The following EPHA6 variants were observed in gnomAD, a reference collection of about 807,000 sequenced individuals.
EPHA6 encodes ephrin type-A receptor 6.
EPHA6 carries 50 observed loss-of-function variants against 112.0 expected under a neutral mutation model. The observed-to-expected ratio is 0.45, with a 90% confidence interval of 0.36 to 0.56. The LOEUF is 0.56. Ranked by LOEUF, EPHA6 falls within the 20% of genes least tolerant of loss-of-function variation. EPHA6 has a pLI of 0.00. For missense variants in EPHA6, 1,280 were observed against 1,417.4 expected, an observed-to-expected ratio of 0.90 and a Z score of 1.56; for synonymous variants, 529 against 490.7, an observed-to-expected ratio of 1.08 and a Z score of -1.03.
At chr3:97,189,290 A>G (rs1389966007) in intron 3 of EPHA6, among the ~76,000 whole-genome samples, 2 of 152,062 alleles carry the variant, frequency 1.3e-5, no homozygotes, top group East Asian at 3.9e-4. Context: ...TGTTCTTTAA[A>G]TACTTATTTT....
intron 3 of EPHA6, among the ~76,000 whole-genome samples, chr3:97,100,799 C>T (rs755227296): frequency 5.3e-5 from 8 of 151,866 alleles, no homozygotes; most frequent in Admixed American, 6.6e-5. Context: ...GCTAAAATGT[C>T]TGTATATTTT....
At chr3:97,562,971 T>A (rs2093211858) in intron 11 of EPHA6, among the ~76,000 whole-genome samples, 1 of 152,172 alleles carries the variant, frequency 6.6e-6, no homozygotes. Context: ...ATGTATTTTG[T>A]ATTTTTAGGC....
intron 2 of EPHA6, among the ~76,000 whole-genome samples, chr3:96,938,781 C>T (rs1280711181): frequency 6.6e-6 from 1 of 151,900 alleles, no homozygotes; most frequent in Non-Finnish European, 1.5e-5. Context: ...GAGATACGTC[C>T]CATCAATACC....
At chr3:97,188,211 A>G (rs1304056312) in intron 3 of EPHA6, among the ~76,000 whole-genome samples, 1 of 152,166 alleles carries the variant, frequency 6.6e-6, no homozygotes, top group Non-Finnish European at 1.5e-5. Flanking sequence ...TTCAGCAGCT[A>G]AATGGATCAG....
Position 97,592,718 on chromosome 3 carries a change from G to GC in EPHA6, c.2499dup (p.Arg834GlnfsTer28). 1.3e-6 allele frequency: 2 copies of GC among 1,599,914 alleles called. No homozygotes were observed. The highest frequency in any genetic ancestry group is 8.5e-7 in the Non-Finnish European group (1 of 1,175,492). On this transcript the variant is annotated frameshift_variant, in exon 12 of 18. Transcript: ENST00000389672. LOFTEE classifies it high-confidence loss of function. ...ATCCAGTGCCAGGGGGAGGATCTTT[G>GC]CCCCCCAGGATTCCTGCTGGTAGGT...
chr3:97,614,540 G>C (rs2093749296), intron 13 of EPHA6, among the ~76,000 whole-genome samples: 1 of 139,914 alleles, frequency 7.1e-6, no homozygotes, highest in Non-Finnish European at 1.5e-5. Flanking sequence ...TTTTAGAAGA[G>C]ACGGGGTTTC....
chr3:97,500,365 T>C (rs2092087170), intron 10 of EPHA6, among the ~76,000 whole-genome samples: 1 of 152,134 alleles, frequency 6.6e-6, no homozygotes, highest in Non-Finnish European at 1.5e-5. Context: ...CCTGCTCAGC[T>C]TCTGGGGAAG....
chr3:96,884,712 A>G lies in EPHA6; in HGVS notation c.450+17823A>G, dbSNP rs535208441. ...TTCTTTACCGATTTGGATGCCCTTT[A>G]TTTCTTCCTTCTTGTCTGATTGCTC... On this transcript the variant is annotated intron_variant, in intron 2 of 17. Transcript: ENST00000389672. Among the ~76,000 whole-genome samples, 3 of 152,174 alleles carry G rather than the reference A, an allele frequency of 2.0e-5. No individual in the cohort carries two copies. The South Asian group carries it at 6.2e-4, about 32-fold the overall frequency.
Position 97,244,297 on chromosome 3 carries a change from A to G in EPHA6, c.1606+10A>G. ...ACCACGGATCAAGATGGTAAGTTCC[A>G]CTGCTGTTCTCTCAAAACAGACCCA... On this transcript the variant is annotated intron_variant, in intron 5 of 17. Transcript: ENST00000389672. 2 of 1,610,690 alleles carry G rather than the reference A, an allele frequency of 1.2e-6. No homozygotes were observed. The highest frequency in any genetic ancestry group is 8.5e-7 in the Non-Finnish European group (1 of 1,177,408).
At chr3:97,092,021 G>T (rs1267201361) in intron 3 of EPHA6, among the ~76,000 whole-genome samples, 2 of 150,312 alleles carry the variant, frequency 1.3e-5, no homozygotes, top group African/African-American at 4.9e-5. Context: ...TAGGGAACTT[G>T]GTGTACTGGA....
At chr3:97,466,298 A>G (rs1418235409) in intron 7 of EPHA6, 2 of 1,430,104 alleles carry the variant, frequency 1.4e-6, no homozygotes, top group Non-Finnish European at 2.0e-6. Flanking sequence ...CTCAAGCAAC[A>G]TAATAAACAA....
intron 2 of EPHA6, among the ~76,000 whole-genome samples, chr3:96,874,806 G>A (rs888493305): frequency 6.6e-6 from 1 of 152,060 alleles, no homozygotes; most frequent in African/African-American, 2.4e-5. Context: ...AGAAATAGCA[G>A]CCAGAAACAT....
intron 14 of EPHA6, among the ~76,000 whole-genome samples, chr3:97,696,885 G>A (rs2033079080): frequency 6.6e-6 from 1 of 152,126 alleles, no homozygotes; most frequent in Admixed American, 6.5e-5. Context: ...AACCATTGCT[G>A]GCCACAGTGT....
chr3:97,255,323 A>C (rs1206257663), intron 5 of EPHA6, among the ~76,000 whole-genome samples: 1 of 152,178 alleles, frequency 6.6e-6, no homozygotes, highest in Non-Finnish European at 1.5e-5. Flanking sequence ...TAGTGCTTTC[A>C]CCATGGTCAT....
chr3:97,404,498 T>C lies in EPHA6; in HGVS notation c.1607-652T>C, dbSNP rs188520275. On this transcript the variant is annotated intron_variant, in intron 5 of 17. Transcript: ENST00000389672. ...TGCAAAGAGAAGAATCTGAGAGATA[T>C]ATAGTTTAGTTATATGTTAGAAGCT... Among the ~76,000 whole-genome samples the C allele has an allele frequency of 3.5e-3, 540 of 152,308 alleles. 5 individuals carry two copies. Among genetic ancestry groups the C allele is most frequent in the Middle Eastern group, 0.014 (4 of 294 alleles).
In EPHA6 at chr3:97,541,879, G is replaced by GAT. The variant is rs138848847; in HGVS notation, c.2386+9348_2386+9349dup. ...TCTCTTAGAAGGACAGAACTAATAGGATATATATATATAAAGGGGAGTTAA... is the reference window on the plus strand; with the variant it reads ...TCTCTTAGAAGGACAGAACTAATAGGATATATATATATATAAAGGGGAGTTAA... On this transcript the variant is annotated intron_variant, in intron 11 of 17. Transcript: ENST00000389672. Among the ~76,000 whole-genome samples the GAT allele has an allele frequency of 6.7e-4, 101 of 150,216 alleles. 1 individual carries two copies. In the East Asian group the frequency reaches 0.016, roughly 23 times the overall value.
At chr3:97,417,969 A>G (rs910520610) in intron 6 of EPHA6, among the ~76,000 whole-genome samples, 3 of 152,190 alleles carry the variant, frequency 2.0e-5, no homozygotes, top group Admixed American at 1.3e-4. Context: ...TGAGTGAATG[A>G]GGAGAAACGA....
In EPHA6 at chr3:97,244,179, G is replaced by A; in HGVS notation, c.1498G>A (p.Val500Met). The change falls in exon 5 of 18, where the codon GTG becomes ATG. Residue 500 changes from valine to methionine, a missense_variant. Around this residue, in one of 4 missense-constraint regions of EPHA6, gnomAD observed 878 missense variants for 999.7 expected, o/e 0.88. Coordinates refer to ENST00000389672, the MANE Select transcript of EPHA6 (RefSeq NM_001080448.3). ...CAATTCCGTGATAGTACTTGACTTT[G>A]TGTCTCACGTGAATTACACCTTTGA... ...INNSVIVLDF[V>M]SHVNYTFEIE... is the part of the protein sequence containing the mutation. The A allele has an allele frequency of 6.2e-7, 1 of 1,613,138 alleles. No homozygotes were observed. The highest frequency in any genetic ancestry group is 1.1e-5 in the South Asian group (1 of 91,062).
chr3:97,066,383 TATTA>T (rs2046179571), intron 3 of EPHA6, among the ~76,000 whole-genome samples: 2 of 152,270 alleles, frequency 1.3e-5, no homozygotes, highest in Non-Finnish European at 2.9e-5. Context: ...TTACACAATG[TATTA>T]ATTAAAGGTA....
Sources: allele counts gnomAD v4.1 joint callset (sites outside exome capture counted in the v4.1 genomes callset), GRCh38; gene constraint gnomAD v4.1.1; regional missense constraint gnomAD v4.1.1; transcripts MANE v1.5; gene names NCBI Gene and HGNC (gene_info 2026-07-23, HGNC 2026-07-21).